SCP2: variants seen among roughly 807,000 people sequenced by gnomAD.
SCP2 encodes the protein sterol carrier protein 2, also known as SCP-2/3-oxoacyl-CoA thiolase.
In SCP2, 48 loss-of-function variants were observed where a neutral mutation model predicts 71.4. The observed-to-expected ratio is 0.67, with a 90% confidence interval of 0.53 to 0.86. The LOEUF (loss-of-function observed/expected upper bound fraction) is 0.86, where lower values mean the gene tolerates loss of function less well. SCP2 is among the 40% of genes least tolerant of loss of function. The pLI is 0.00. For synonymous variants in SCP2, 220 were observed against 218.1 expected, an observed-to-expected ratio of 1.01 and a Z score of -0.08; for missense variants, 560 against 655.6, an observed-to-expected ratio of 0.85 and a Z score of 1.59.
chr1:52,957,059 G>A (rs576636238), intron 5 of SCP2, among the ~76,000 whole-genome samples: 4 of 151,788 alleles, frequency 2.6e-5, no homozygotes, highest in Admixed American at 6.6e-5. Flanking sequence ...ACAGGTGCCC[G>A]CCACCACGCC....
At chr1:52,940,893 G>A (rs1231655493) in intron 1 of SCP2, among the ~76,000 whole-genome samples, 2 of 152,134 alleles carry the variant, frequency 1.3e-5, no homozygotes, top group Non-Finnish European at 2.9e-5. Flanking sequence ...GGGATCACAG[G>A]CGTATACCGC....
At chr1:53,046,936 C>A (rs774901728) in intron 14 of SCP2, among the ~76,000 whole-genome samples, 9 of 152,172 alleles carry the variant, frequency 5.9e-5, no homozygotes, top group Non-Finnish European at 1.3e-4. Flanking sequence ...CCACAGTTTC[C>A]ATGGATAAGT....
chr1:52,952,382 T>A (rs1655396935), intron 4 of SCP2, among the ~76,000 whole-genome samples: 1 of 152,174 alleles, frequency 6.6e-6, no homozygotes, highest in African/African-American at 2.4e-5. Flanking sequence ...ATTTTAAACG[T>A]ACAAGAAAAA....
intron 11 of SCP2, chr1:52,993,068 T>G (rs998028635): frequency 4.6e-6 from 5 of 1,077,330 alleles, no homozygotes; most frequent in Non-Finnish European, 7.1e-6. Flanking sequence ...CTAGCCAGCT[T>G]CTTGGTCTAA....
chr1:52,944,264 T>C (rs1024612520), intron 2 of SCP2, among the ~76,000 whole-genome samples: 1 of 152,238 alleles, frequency 6.6e-6, no homozygotes, highest in Non-Finnish European at 1.5e-5. Flanking sequence ...CTTATTACCA[T>C]AAGTAATATT....
chr1:53,006,424 G>A (rs942370546), intron 11 of SCP2, among the ~76,000 whole-genome samples: 12 of 152,208 alleles, frequency 7.9e-5, no homozygotes, highest in African/African-American at 2.4e-4. Context: ...GACTAACAGC[G>A]GATCTCTCGG....
intron 13 of SCP2, among the ~76,000 whole-genome samples, chr1:53,034,599 A>G (rs1243686570): frequency 6.6e-6 from 1 of 152,116 alleles, no homozygotes; most frequent in Non-Finnish European, 1.5e-5. Context: ...AGTGAATTTT[A>G]TAGGATATAA....
intron 3 of SCP2, 30 bp from the exon 4 acceptor site, chr1:52,950,725 C>G: frequency 1.9e-6 from 3 of 1,596,664 alleles, no homozygotes; most frequent in Non-Finnish European, 2.6e-6. Flanking sequence ...CCATAATTCT[C>G]CATATTAAAA....
At chr1:52,961,752 G>T in intron 6 of SCP2, 123 bp downstream of exon 6, 1 of 855,198 alleles carries the variant, frequency 1.2e-6, no homozygotes, top group Non-Finnish European at 1.9e-6. Context: ...AATGTTTTTT[G>T]AATTAAATCG....
chr1:53,037,884 A>ACGCGCGCG (rs147425374), intron 13 of SCP2, among the ~76,000 whole-genome samples: 15 of 70,640 alleles, frequency 2.1e-4, no homozygotes, highest in African/African-American at 9.1e-4. Flanking sequence ...CTACATACAC[A>ACGCGCGCG]CACACACACA....
At chr1:52,996,697 G>C (rs1211681356) in intron 11 of SCP2, among the ~76,000 whole-genome samples, 1 of 152,094 alleles carries the variant, frequency 6.6e-6, no homozygotes, top group African/African-American at 2.4e-5. Context: ...TTAGAGAAGG[G>C]GATCAAGGGG....
At chr1:52,969,368 G>C (rs1214951309) in intron 6 of SCP2, among the ~76,000 whole-genome samples, 1 of 150,934 alleles carries the variant, frequency 6.6e-6, no homozygotes, top group Non-Finnish European at 1.5e-5. Context: ...AAGTTAGCTG[G>C]TGTGGTGGCA....
At chr1:52,966,381 C>T (rs1484188595) in intron 6 of SCP2, among the ~76,000 whole-genome samples, 1 of 151,814 alleles carries the variant, frequency 6.6e-6, no homozygotes, top group Non-Finnish European at 1.5e-5. Context: ...CCACTTAGAT[C>T]TATGGCTGGA....
At chr1:53,035,758 C>T (rs1440345837) in intron 13 of SCP2, among the ~76,000 whole-genome samples, 2 of 152,146 alleles carry the variant, frequency 1.3e-5, no homozygotes, top group African/African-American at 4.8e-5. Flanking sequence ...TCATTGAGTA[C>T]TCTGTGTGTT....
At chr1:52,991,089 C>T (rs905065904) in intron 11 of SCP2, among the ~76,000 whole-genome samples, 5 of 152,242 alleles carry the variant, frequency 3.3e-5, no homozygotes, top group East Asian at 1.9e-4. Flanking sequence ...ATTATAGGTA[C>T]GTGTTCTGTA....
intron 11 of SCP2, among the ~76,000 whole-genome samples, chr1:53,012,789 C>T (rs565576154): frequency 9.2e-5 from 14 of 152,286 alleles, no homozygotes; most frequent in African/African-American, 3.4e-4. Flanking sequence ...ATTGATTATT[C>T]CCATTTTTAC....
At chr1:53,045,311 A>G (rs1320771818) in intron 14 of SCP2, among the ~76,000 whole-genome samples, 1 of 152,248 alleles carries the variant, frequency 6.6e-6, no homozygotes, top group African/African-American at 2.4e-5. Flanking sequence ...ATGGAACCAT[A>G]GAACAATAAC....
At chr1:52,931,695 C>A (rs1443324611) in intron 1 of SCP2, among the ~76,000 whole-genome samples, 1 of 152,176 alleles carries the variant, frequency 6.6e-6, no homozygotes, top group Non-Finnish European at 1.5e-5. Context: ...TTTATTCATG[C>A]AGAGAGCTTC....
At chr1:52,991,905 C>CA (rs985131700) in intron 11 of SCP2, among the ~76,000 whole-genome samples, 2 of 152,030 alleles carry the variant, frequency 1.3e-5, no homozygotes, top group African/African-American at 4.8e-5. Flanking sequence ...CTTAGCATCT[C>CA]AAAATCAGGA....
Sources: allele counts gnomAD v4.1 joint callset (sites outside exome capture counted in the v4.1 genomes callset), GRCh38; gene constraint gnomAD v4.1.1; transcripts MANE v1.5; gene names NCBI Gene and HGNC (gene_info 2026-07-23, HGNC 2026-07-21).